Variants in BMPER observed in about 807,000 individuals in gnomAD.
BMPER encodes BMP binding endothelial regulator, also known as BMP-binding endothelial regulator protein.
BMPER carries 45 observed loss-of-function variants against 87.3 expected under a neutral mutation model. That is an observed-to-expected ratio of 0.52 (90% confidence interval 0.41 to 0.66). BMPER has a LOEUF of 0.66. Among genes scored for constraint, BMPER ranks in the 30% least tolerant of loss-of-function variants. The probability of loss-of-function intolerance (pLI) is 0.00; values close to 1 mark genes in which losing one functional copy is unlikely to be tolerated. For synonymous variants in BMPER, 326 were observed against 316.2 expected (o/e 1.03, Z -0.33); for missense variants, 784 against 867.5 (o/e 0.90, Z 1.21).
In BMPER at chr7:34,155,790, C is replaced by T. The variant is rs1176782042; in HGVS notation, c.*2517C>T. The T allele has an allele frequency of 6.6e-6, 1 of 152,166 alleles. No homozygotes were observed. The highest frequency in any genetic ancestry group is 1.5e-5 in the Non-Finnish European group (1 of 68,026). The allele number at this position is 152,166 out of a possible 1,614,324, so 9.4% of individuals were successfully genotyped here. On this transcript the variant is annotated 3_prime_UTR_variant, in exon 15 of 15. Transcript: ENST00000649409. ...TCAATGAGAGCAGTCCTGTTTCATT[C>T]ACATGGGATGTTTTCAATTGGTTCT...
At chr7:34,060,252 G>A (rs1471477100) in intron 10 of BMPER, among the ~76,000 whole-genome samples, 2 of 152,010 alleles carry the variant, frequency 1.3e-5, no homozygotes, top group Admixed American at 1.3e-4. Flanking sequence ...AGTTTCCACC[G>A]AGATGTGGAT....
At chr7:34,080,083 A>G (rs1788973173) in intron 12 of BMPER, among the ~76,000 whole-genome samples, 1 of 152,160 alleles carries the variant, frequency 6.6e-6, no homozygotes, top group African/African-American at 2.4e-5. Context: ...TGGATATTGC[A>G]CTGCCTTTCC....
chr7:33,962,048 TTTTA>T (rs1785285492), intron 3 of BMPER, among the ~76,000 whole-genome samples: 1 of 152,202 alleles, frequency 6.6e-6, no homozygotes. Flanking sequence ...CAATGCCATT[TTTTA>T]TGGTCCTGAT....
chr7:34,121,511 G>A (rs1790262592), intron 13 of BMPER, among the ~76,000 whole-genome samples: 1 of 152,142 alleles, frequency 6.6e-6, no homozygotes, highest in South Asian at 2.1e-4. Context: ...CACTCTTGAA[G>A]TTTATTCTGT....
chr7:34,084,480 C>T (rs777267084), intron 12 of BMPER, among the ~76,000 whole-genome samples: 2 of 152,132 alleles, frequency 1.3e-5, no homozygotes, highest in Non-Finnish European at 2.9e-5. Context: ...CCACAGGTGG[C>T]CACTTGCATT....
Position 34,156,391 on chromosome 7 carries a change from A to G in BMPER, c.*3118A>G, listed in dbSNP as rs1307210562. ...TAGTCAATAAATTTTTCTTGAATCA[A>G]TAAATAAAACCTAATAAATGCTGTC... is the stretch of plus-strand genomic sequence containing the variant. On this transcript the variant is annotated 3_prime_UTR_variant, in exon 15 of 15. Transcript: ENST00000649409. Among the ~76,000 whole-genome samples the G allele has an allele frequency of 6.6e-6, 1 of 152,246 alleles. No homozygotes were observed. Among genetic ancestry groups the G allele is most frequent in the Non-Finnish European group, 1.5e-5 (1 of 68,046 alleles).
rs767084416 is a variant in BMPER, at chr7:34,143,288, T to C, written c.1804T>C (p.Phe602Leu). 1 of 1,614,090 alleles carries C rather than the reference T, an allele frequency of 6.2e-7. No individual in the cohort carries two copies. The highest frequency in any genetic ancestry group is 8.5e-7 in the Non-Finnish European group (1 of 1,179,944). ...CCATAAAAACTGTTATTGCGAGTCA[T>C]TTTTGGCATATACCCGGGCCTGCCA... ...PVHKNCYCESFLAYTRACQRE... is the reference protein window; with the variant it reads ...PVHKNCYCESLLAYTRACQRE... Residue 602 changes from phenylalanine (F) to leucine (L), a missense_variant, in exon 14 of 15, where the codon TTT (phenylalanine) becomes CTT (leucine). Coordinates refer to ENST00000649409, the MANE Select transcript of BMPER (RefSeq NM_001365308.1).
At chr7:33,905,779 G>A (rs1203038683) in intron 1 of BMPER, 33 bp downstream of exon 1, 1 of 1,580,472 alleles carries the variant, frequency 6.3e-7, no homozygotes, top group Non-Finnish European at 8.6e-7. Context: ...CCGGCCCTCC[G>A]GGACGCCGGT....
intron 13 of BMPER, among the ~76,000 whole-genome samples, chr7:34,140,193 C>A (rs567493449): frequency 6.6e-6 from 1 of 152,284 alleles, no homozygotes; most frequent in African/African-American, 2.4e-5. Flanking sequence ...AAATCTCTGC[C>A]TCATAGCCCA....
intron 3 of BMPER, among the ~76,000 whole-genome samples, chr7:33,942,896 C>T (rs1562644402): frequency 6.6e-6 from 1 of 152,138 alleles, no homozygotes; most frequent in Admixed American, 6.5e-5. Flanking sequence ...CTGGGGAATG[C>T]TTATTGGAAA....
intron 6 of BMPER, among the ~76,000 whole-genome samples, chr7:33,995,502 T>C (rs1191378261): frequency 6.6e-6 from 1 of 152,186 alleles, no homozygotes; most frequent in African/African-American, 2.4e-5. Flanking sequence ...ACCTTATATT[T>C]CTATGCTTGT....
rs891767258 is a variant in BMPER, at chr7:34,156,236, C to A, written c.*2963C>A. On this transcript the variant is annotated 3_prime_UTR_variant, in exon 15 of 15. Coordinates refer to ENST00000649409, the MANE Select transcript of BMPER (RefSeq NM_001365308.1). ...GCTTCTCCCAGCTTTCACTGAAACA[C>A]GGATAAACCATTTCAACTGGAAAAC... Among the ~76,000 whole-genome samples the A allele has an allele frequency of 6.6e-6, 1 of 152,134 alleles. No homozygotes were observed. The highest frequency in any genetic ancestry group is 1.5e-5 in the Non-Finnish European group (1 of 68,034).
intron 7 of BMPER, among the ~76,000 whole-genome samples, chr7:34,046,926 A>ATTT (rs5883443): frequency 0.072 from 10,579 of 146,330 alleles, 419 homozygotes; most frequent in Middle Eastern, 0.11. Context: ...TAGGCACTTT[A>ATTT]TTTTTTTTTT....
intron 6 of BMPER, among the ~76,000 whole-genome samples, chr7:33,997,465 G>A (rs546864050): frequency 6.6e-5 from 10 of 152,202 alleles, no homozygotes; most frequent in African/African-American, 1.9e-4. Flanking sequence ...CTGGTTGTTC[G>A]ATAGTGTCTG....
chr7:34,064,281 ACT>A (rs1421222427), intron 11 of BMPER, among the ~76,000 whole-genome samples: 1 of 65,666 alleles, frequency 1.5e-5, no homozygotes, highest in Non-Finnish European at 3.0e-5. Flanking sequence ...ACAGAGCAAG[ACT>A]CTGTCAAAAA....
At chr7:33,974,897 A>G (rs1376964195) in intron 6 of BMPER, 113 bp downstream of exon 6, 1 of 1,061,890 alleles carries the variant, frequency 9.4e-7, no homozygotes, top group African/African-American at 1.6e-5. Context: ...TCTGGGTAAA[A>G]GTCCGTCCCT....
At chr7:33,956,890 A>G (rs1326723788) in intron 3 of BMPER, among the ~76,000 whole-genome samples, 1 of 152,156 alleles carries the variant, frequency 6.6e-6, no homozygotes. Flanking sequence ...AGTTATATTG[A>G]ATTTTTGACT....
chr7:34,078,149 A>G (rs1788913671), intron 11 of BMPER, among the ~76,000 whole-genome samples: 1 of 152,236 alleles, frequency 6.6e-6, no homozygotes, highest in African/African-American at 2.4e-5. Context: ...TTTCAGAATG[A>G]TGACTTTACT....
intron 13 of BMPER, among the ~76,000 whole-genome samples, chr7:34,103,395 G>A (rs138532164): frequency 6.8e-4 from 103 of 152,228 alleles, no homozygotes; most frequent in African/African-American, 1.3e-3. Flanking sequence ...GATGTTTCCC[G>A]TAACCATATG....
Sources: allele counts gnomAD v4.1 joint callset (sites outside exome capture counted in the v4.1 genomes callset), GRCh38; gene constraint gnomAD v4.1.1; transcripts MANE v1.5; gene names NCBI Gene and HGNC (gene_info 2026-07-23, HGNC 2026-07-21).